The following CCDC178 variants were observed in gnomAD, a reference collection of about 807,000 sequenced individuals.
CCDC178 encodes the protein coiled-coil domain-containing protein 178.
Under a neutral mutation model 117.4 loss-of-function variants are expected in CCDC178, and 126 were observed. The ratio of observed to expected loss-of-function variants is 1.07; its 90% confidence interval spans 0.93 to 1.24. CCDC178 has a LOEUF of 1.24. CCDC178 is among the 50% of genes most tolerant of loss of function. CCDC178 has a pLI of 0.00. For synonymous variants in CCDC178, 283 were observed against 313.4 expected (o/e 0.90, Z 1.02); for missense variants, 1,030 against 986.9 (o/e 1.04, Z -0.59).
At chr18:33,255,573 G>C (rs1357101113) in intron 14 of CCDC178, among the ~76,000 whole-genome samples, 4 of 152,000 alleles carry the variant, frequency 2.6e-5, no homozygotes, top group African/African-American at 7.2e-5. Flanking sequence ...CAGGAGAGAG[G>C]GATATAGAAC....
Position 33,328,082 on chromosome 18 carries a change from GAT to G in CCDC178, c.880-4451_880-4450del, listed in dbSNP as rs747061878. 2.7e-3 allele frequency: 676 copies of G among 248,884 alleles called. 10 individuals are homozygous for G. Among genetic ancestry groups the G allele is most frequent in the Non-Finnish European group, 3.7e-3 (493 of 132,970 alleles). The allele number at this position is 248,884 out of a possible 1,614,324, so 15.4% of individuals were successfully genotyped here. ...CCAAGGTCATAAAGATTTATCCCTAGATTTTTTTTTTTTTTTTTTTTTTTTTT... is the reference window on the plus strand; with the variant it reads ...CCAAGGTCATAAAGATTTATCCCTAGTTTTTTTTTTTTTTTTTTTTTTTTT... On this transcript the variant is annotated intron_variant, in intron 10 of 22. Transcript: ENST00000383096.
At chr18:32,946,132 TG>T (rs1388520444) in intron 22 of CCDC178, among the ~76,000 whole-genome samples, 1 of 152,166 alleles carries the variant, frequency 6.6e-6, no homozygotes, top group East Asian at 1.9e-4. Context: ...GAAATTCCCA[TG>T]TAACCTACTT....
At chr18:32,965,234 G>C (rs941797838) in intron 22 of CCDC178, among the ~76,000 whole-genome samples, 1 of 151,928 alleles carries the variant, frequency 6.6e-6, no homozygotes, top group Non-Finnish European at 1.5e-5. Flanking sequence ...GTGTCAGTAA[G>C]TGTGCATCCT....
At chr18:33,121,193 T>C (rs2057931655) in intron 20 of CCDC178, among the ~76,000 whole-genome samples, 1 of 152,152 alleles carries the variant, frequency 6.6e-6, no homozygotes, top group African/African-American at 2.4e-5. Context: ...ATGAGTCTGA[T>C]TTAACCATTT....
intron 21 of CCDC178, among the ~76,000 whole-genome samples, chr18:33,005,856 A>G (rs946139670): frequency 2.0e-5 from 3 of 152,100 alleles, no homozygotes; most frequent in Non-Finnish European, 1.5e-5. Flanking sequence ...ACCAGTAGTG[A>G]AAACCTGAAA....
chr18:33,111,689 A>G (rs2057785460), intron 20 of CCDC178, among the ~76,000 whole-genome samples: 1 of 151,700 alleles, frequency 6.6e-6, no homozygotes, highest in Non-Finnish European at 1.5e-5. Flanking sequence ...CAATGGGAAT[A>G]ACAGGTTTCA....
At chr18:33,103,966 A>G (rs1033952183) in intron 20 of CCDC178, among the ~76,000 whole-genome samples, 8 of 151,884 alleles carry the variant, frequency 5.3e-5, no homozygotes, top group African/African-American at 1.9e-4. Flanking sequence ...GAACTTTAAA[A>G]TATGGGGCTG....
intron 14 of CCDC178, among the ~76,000 whole-genome samples, chr18:33,261,152 C>T (rs771886993): frequency 2.6e-5 from 4 of 151,888 alleles, no homozygotes; most frequent in Non-Finnish European, 4.4e-5. Context: ...GGCACGAGCT[C>T]GGCTCACTGC....
chr18:33,430,862 G>C (rs1016894886), intron 2 of CCDC178, among the ~76,000 whole-genome samples: 8 of 151,198 alleles, frequency 5.3e-5, no homozygotes, highest in Middle Eastern at 3.5e-3. Flanking sequence ...CACAAGGTCA[G>C]GAGTTCGAGA....
intron 12 of CCDC178, among the ~76,000 whole-genome samples, chr18:33,277,983 C>A (rs983240132): frequency 1.3e-5 from 2 of 152,054 alleles, no homozygotes; most frequent in Non-Finnish European, 2.9e-5. Context: ...TGCCTGGGCC[C>A]ATGATCCACA....
At chr18:32,968,561 T>A (rs981288035) in intron 22 of CCDC178, among the ~76,000 whole-genome samples, 2 of 152,010 alleles carry the variant, frequency 1.3e-5, no homozygotes, top group African/African-American at 4.8e-5. Context: ...ATAGTTTTAT[T>A]TTTTGAGGAA....
intron 21 of CCDC178, among the ~76,000 whole-genome samples, chr18:33,015,455 C>T (rs2055965677): frequency 6.6e-6 from 1 of 151,786 alleles, no homozygotes. Flanking sequence ...GTCCCACCTA[C>T]TCGGGAGGCT....
At chr18:33,364,117 G>A (rs1181357964) in intron 6 of CCDC178, among the ~76,000 whole-genome samples, 1 of 152,042 alleles carries the variant, frequency 6.6e-6, no homozygotes, top group Non-Finnish European at 1.5e-5. Flanking sequence ...TCCCAGTTGT[G>A]CTACCAGATG....
At chr18:33,282,404 G>A (rs1428159514) in intron 12 of CCDC178, among the ~76,000 whole-genome samples, 2 of 152,122 alleles carry the variant, frequency 1.3e-5, no homozygotes, top group African/African-American at 2.4e-5. Flanking sequence ...AGCCCTAGGG[G>A]AACTGTCGGT....
At chr18:33,307,819 C>T (rs1372293540) in intron 11 of CCDC178, among the ~76,000 whole-genome samples, 2 of 152,210 alleles carry the variant, frequency 1.3e-5, no homozygotes, top group Admixed American at 1.3e-4. Context: ...TCAGAGGGTG[C>T]AAGCCCCAAG....
intron 3 of CCDC178, among the ~76,000 whole-genome samples, chr18:33,404,918 T>C (rs1365632677): frequency 6.6e-6 from 1 of 152,080 alleles, no homozygotes; most frequent in African/African-American, 2.4e-5. Flanking sequence ...AACAAATCCA[T>C]AGAGCAAGAA....
At chr18:33,256,760 T>A (rs970141345) in intron 14 of CCDC178, among the ~76,000 whole-genome samples, 4 of 152,174 alleles carry the variant, frequency 2.6e-5, no homozygotes. Context: ...TGGGTTCTAT[T>A]TTTAGGTACA....
At chr18:33,373,242 C>T (rs934122404) in intron 5 of CCDC178, among the ~76,000 whole-genome samples, 1 of 152,166 alleles carries the variant, frequency 6.6e-6, no homozygotes, top group East Asian at 1.9e-4. Flanking sequence ...GAATAATACA[C>T]ATGGACTCTC....
chr18:33,336,930 T>G (rs1441624991), intron 9 of CCDC178, among the ~76,000 whole-genome samples: 2 of 152,116 alleles, frequency 1.3e-5, no homozygotes, highest in Non-Finnish European at 2.9e-5. Context: ...TCTAGTTCTG[T>G]GAAGAATGGT....
Sources: allele counts gnomAD v4.1 joint callset (sites outside exome capture counted in the v4.1 genomes callset), GRCh38; gene constraint gnomAD v4.1.1; transcripts MANE v1.5; gene names NCBI Gene and HGNC (gene_info 2026-07-23, HGNC 2026-07-21).